Variants in NAV3 observed in about 807,000 individuals in gnomAD.
NAV3 encodes the protein pore membrane and/or filament interacting like protein 1.
In NAV3, 87 loss-of-function variants were observed where a neutral mutation model predicts 244.7. The ratio of observed to expected loss-of-function variants is 0.36; its 90% CI spans 0.30 to 0.42. The LOEUF (loss-of-function observed/expected upper bound fraction) is 0.42, where lower values mean the gene tolerates loss of function less well. Among genes scored for constraint, NAV3 ranks in the 20% least tolerant of loss-of-function variants. The pLI is 1.00. For missense variants in NAV3, 2,663 were observed against 2,893.3 expected (o/e 0.92, Z 1.83); for synonymous variants, 1,126 against 1,042.2 (o/e 1.08, Z -1.55).
chr12:78,036,635 A>T (rs2137022629), intron 9 of NAV3: 1 of 417,092 alleles, frequency 2.4e-6, no homozygotes, highest in Non-Finnish European at 4.3e-6. Context: ...TGCTTCAGAT[A>T]TATTCGAGCA....
intron 12 of NAV3, among the ~76,000 whole-genome samples, chr12:78,068,827 A>C (rs1357750650): frequency 2.0e-5 from 3 of 151,600 alleles, no homozygotes; most frequent in Non-Finnish European, 4.4e-5. Flanking sequence ...TATATGAGGG[A>C]AAAAGGAATT....
intron 2 of NAV3, among the ~76,000 whole-genome samples, chr12:77,573,657 A>G (rs1278892498): frequency 3.3e-5 from 5 of 152,184 alleles, no homozygotes; most frequent in Non-Finnish European, 7.4e-5. Flanking sequence ...CTAAGAAGCC[A>G]TTTAATCATC....
At chr12:78,060,262 G>C (rs1884132260) in intron 12 of NAV3, among the ~76,000 whole-genome samples, 1 of 152,088 alleles carries the variant, frequency 6.6e-6, no homozygotes. Flanking sequence ...TCTGAAATAG[G>C]AACTGTATAC....
chr12:78,134,943 A>G (rs1485270942), intron 18 of NAV3, among the ~76,000 whole-genome samples: 1 of 152,150 alleles, frequency 6.6e-6, no homozygotes, highest in Non-Finnish European at 1.5e-5. Context: ...ATACATTGCC[A>G]TATCTGTTTC....
intron 11 of NAV3, among the ~76,000 whole-genome samples, chr12:78,055,728 A>G (rs960375785): frequency 2.6e-5 from 4 of 152,172 alleles, no homozygotes; most frequent in African/African-American, 9.7e-5. Flanking sequence ...CAGGCCTGGA[A>G]GTCATGCATA....
intron 3 of NAV3, among the ~76,000 whole-genome samples, chr12:77,955,062 C>G (rs1891239673): frequency 6.6e-6 from 1 of 152,128 alleles, no homozygotes; most frequent in African/African-American, 2.4e-5. Flanking sequence ...CTGCCTTTCT[C>G]CAGATTTCAG....
chr12:77,994,901 AT>A, intron 6 of NAV3, 30 bp downstream of exon 6: 1 of 1,453,178 alleles, frequency 6.9e-7, no homozygotes, highest in Non-Finnish European at 9.6e-7. Flanking sequence ...TTTATTGCTT[AT>A]TAGTGATATG....
chr12:78,030,857 C>T (rs1414896125), intron 9 of NAV3, among the ~76,000 whole-genome samples: 1 of 152,144 alleles, frequency 6.6e-6, no homozygotes, highest in Non-Finnish European at 1.5e-5. Context: ...TGTGGAATAA[C>T]ATGAAAATAA....
intron 1 of NAV3, among the ~76,000 whole-genome samples, chr12:77,929,378 A>G (rs1359910516): frequency 2.0e-5 from 3 of 152,188 alleles, no homozygotes; most frequent in East Asian, 3.8e-4. Context: ...CGTCACGGAC[A>G]GGGACATGTC....
chr12:77,649,188 C>G (rs962720583), intron 2 of NAV3, among the ~76,000 whole-genome samples: 4 of 152,122 alleles, frequency 2.6e-5, no homozygotes, highest in African/African-American at 9.7e-5. Flanking sequence ...ACTTATTCAA[C>G]CAATGAATAT....
At position 78,122,089 on chromosome 12, in the gene NAV3, G is replaced by A; in HGVS notation, c.3899G>A (p.Ser1300Asn). 1 of 1,614,204 alleles carries A rather than the reference G, an allele frequency of 6.2e-7. No individual in the cohort carries two copies. Among genetic ancestry groups the A allele is most frequent in the Non-Finnish European group, 8.5e-7 (1 of 1,180,030 alleles). Residue 1300 changes from serine (S) to asparagine (N), a missense_variant, in exon 16 of 40, where the codon AGT becomes AAT. This residue lies in a region of NAV3 where 354 missense variants were observed against 413.0 expected (regional missense o/e 0.86). Transcript: ENST00000397909. ...SPSSGTGSMG[S>N]AGGLSGSSSP... ...TCGTCCGGTACGGGCAGCATGGGCA[G>A]TGCTGGTGGGCTAAGCGGCAGCAGC... is the stretch of plus-strand genomic sequence containing the variant.
chr12:77,753,014 C>T (rs940400345), intron 2 of NAV3, among the ~76,000 whole-genome samples: 7 of 152,102 alleles, frequency 4.6e-5, no homozygotes, highest in Non-Finnish European at 8.8e-5. Context: ...AACTCCATGA[C>T]CTGAAGGTGC....
At chr12:77,659,274 A>G (rs1592551823) in intron 2 of NAV3, among the ~76,000 whole-genome samples, 1 of 151,602 alleles carries the variant, frequency 6.6e-6, no homozygotes, top group Admixed American at 6.6e-5. Flanking sequence ...AAAAAAACAA[A>G]CAACCCCATG....
rs761458394 is a variant in NAV3 at position 78,119,373 on chromosome 12, G to C, written c.3177G>C (p.Ser1059=). 1 of 1,614,034 alleles carries C rather than the reference G, an allele frequency of 6.2e-7. No individual in the cohort carries two copies. Among genetic ancestry groups the C allele is most frequent in the African/African-American group, 1.3e-5 (1 of 74,910 alleles). The change falls in exon 15 of 40, where the codon TCG becomes TCC. Residue 1059 remains serine (S), a synonymous_variant. Coordinates refer to ENST00000397909, the MANE Select transcript of NAV3 (RefSeq NM_001024383.2). ...AGCCCCCCTCAGGCATTGGAAGATC[G>C]ACTGCCACCAGCTCCTTTGGCTTTA... ...GKKPPSGIGR[S]TATSSFGFKK... is the part of the protein sequence containing the mutation.
rs1206334379 is a variant in NAV3, at chr12:78,119,677, A to G, written c.3481A>G (p.Ser1161Gly). 1.2e-6 allele frequency: 2 copies of G among 1,614,110 alleles called. No homozygotes were observed. Among genetic ancestry groups the G allele is most frequent in the Admixed American group, 1.7e-5 (1 of 60,008 alleles). ...GRGGHRSSTSSIDSNVSSKSA... is the reference protein window; with the variant it reads ...GRGGHRSSTSGIDSNVSSKSA... ...AGGAGGCCACAGATCCAGTACCAGC[A>G]GTATTGATTCCAACGTCAGCAGCAA... Residue 1161 changes from serine (S) to glycine (G), a missense_variant, in exon 15 of 40, where the codon AGT (serine) becomes GGT (glycine). By Grantham distance (56) the Ser-to-Gly change is moderately conservative. Around this residue, in one of 6 missense-constraint regions of NAV3, gnomAD observed 1,521 missense variants for 1,497.0 expected, o/e 1.02. Transcript: ENST00000397909.
At chr12:77,901,501 C>A (rs996401774) in intron 1 of NAV3, among the ~76,000 whole-genome samples, 1 of 151,786 alleles carries the variant, frequency 6.6e-6, no homozygotes, top group Non-Finnish European at 1.5e-5. Flanking sequence ...CCTGAGGTTA[C>A]GAGTTTGAGA....
intron 2 of NAV3, among the ~76,000 whole-genome samples, chr12:77,762,194 C>A (rs1869501750): frequency 6.6e-6 from 1 of 152,040 alleles, no homozygotes; most frequent in African/African-American, 2.4e-5. Flanking sequence ...AACCAAACAC[C>A]ACATGTTCTC....
chr12:77,901,586 T>A (rs1885298966), intron 1 of NAV3, among the ~76,000 whole-genome samples: 1 of 152,098 alleles, frequency 6.6e-6, no homozygotes, highest in Non-Finnish European at 1.5e-5. Context: ...GACAGGTGCC[T>A]GTAATCCCAG....
intron 12 of NAV3, among the ~76,000 whole-genome samples, chr12:78,095,021 C>T (rs1233220237): frequency 4.1e-5 from 6 of 147,174 alleles, no homozygotes; most frequent in Admixed American, 1.4e-4. Context: ...CACTCCAGCC[C>T]GGTGACAGAG....
Sources: allele counts gnomAD v4.1 joint callset (sites outside exome capture counted in the v4.1 genomes callset), GRCh38; gene constraint gnomAD v4.1.1; regional missense constraint gnomAD v4.1.1; transcripts MANE v1.5; gene names NCBI Gene and HGNC (gene_info 2026-07-23, HGNC 2026-07-21).